Variants in PRDM16 observed in about 807,000 individuals in gnomAD.
PRDM16 encodes the protein histone-lysine N-methyltransferase PRDM16.
Under a neutral mutation model 110.6 loss-of-function variants are expected in PRDM16, and 23 were observed. The observed-to-expected ratio is 0.21, with a 90% CI of 0.15 to 0.29. The LOEUF is 0.29. Among genes scored for constraint, PRDM16 ranks in the 10% least tolerant of loss-of-function variants. The pLI is 1.00. For synonymous variants in PRDM16, 799 were observed against 781.8 expected (o/e 1.02, Z -0.37); for missense variants, 1,615 against 1,794.3 (o/e 0.90, Z 1.81).
chr1:3,337,304 G>T (rs757787929), intron 3 of PRDM16, among the ~76,000 whole-genome samples: 1 of 152,240 alleles, frequency 6.6e-6, no homozygotes, highest in Non-Finnish European at 1.5e-5. Flanking sequence ...GGAGACAGGA[G>T]AGAAAGGCCC....
rs565543661 is a variant in PRDM16, at chr1:3,435,942, G to A, written c.*2131G>A. On this transcript the variant is annotated 3_prime_UTR_variant, in exon 17 of 17. Transcript: ENST00000270722. ...GCTGGGGCCATGGGGTGGCCCCGCC[G>A]GGGCAGCGGGGGAGCTGCCTGCAGA... 4.3e-5 allele frequency: 10 copies of A among 230,404 alleles called. No individual in the cohort carries two copies. In the South Asian group the frequency reaches 9.1e-4, roughly 21 times the overall value. 14.3% of individuals were successfully genotyped at this position (230,404 alleles called of 1,614,324 possible).
intron 1 of PRDM16, among the ~76,000 whole-genome samples, chr1:3,153,221 A>G (rs1383944389): frequency 5.9e-5 from 9 of 152,206 alleles, no homozygotes. Flanking sequence ...CCGTGTCCTC[A>G]GGCAATAGCT....
intron 3 of PRDM16, among the ~76,000 whole-genome samples, chr1:3,291,889 G>A (rs1348048401): frequency 7.9e-5 from 12 of 152,214 alleles, no homozygotes; most frequent in Admixed American, 5.2e-4. Flanking sequence ...CCCACTGCTC[G>A]AGACCAACCT....
At chr1:3,085,852 G>T (rs1241929253) in intron 1 of PRDM16, among the ~76,000 whole-genome samples, 1 of 152,246 alleles carries the variant, frequency 6.6e-6, no homozygotes, top group Non-Finnish European at 1.5e-5. Flanking sequence ...GGGCACAGCT[G>T]TGGGAGCCCC....
chr1:3,080,143 C>T lies in PRDM16; in HGVS notation c.37+10847C>T, dbSNP rs766887063. Among the ~76,000 whole-genome samples, 8 of 152,236 alleles carry T rather than the reference C, an allele frequency of 5.3e-5. No homozygotes were observed. Among genetic ancestry groups the T allele is most frequent in the Admixed American group, 6.5e-5 (1 of 15,288 alleles). On this transcript the variant is annotated intron_variant, in intron 1 of 16. Coordinates refer to ENST00000270722, the MANE Select transcript of PRDM16 (RefSeq NM_022114.4). This position sits in a 1 kb window ranked among gnomAD's most constrained non-coding sequence, Gnocchi z 5.2. ...GGAAACGAGGCTGTTTAGATAATCC[C>T]GGGCCCTGGTGCTTGCATTTAGAAA...
intron 3 of PRDM16, among the ~76,000 whole-genome samples, chr1:3,251,095 C>CT (rs1242974982): frequency 6.6e-6 from 1 of 152,230 alleles, no homozygotes; most frequent in Non-Finnish European, 1.5e-5. Flanking sequence ...CACTCAGACG[C>CT]TGCCTTAACC....
intron 12 of PRDM16, among the ~76,000 whole-genome samples, chr1:3,423,250 TG>T (rs1336499534): frequency 4.6e-5 from 7 of 152,128 alleles, no homozygotes; most frequent in Admixed American, 4.6e-4. Context: ...CCAGGCAGCC[TG>T]GGGAGTTGGG....
At chr1:3,373,656 G>A (rs539965768) in intron 3 of PRDM16, among the ~76,000 whole-genome samples, 134 of 152,322 alleles carry the variant, frequency 8.8e-4, no homozygotes, top group African/African-American at 3.0e-3. Context: ...CGCGGGACCT[G>A]GAGCTTCTCT....
Position 3,359,848 on chromosome 1 carries a change from C to G in PRDM16, c.439-25304C>G, listed in dbSNP as rs995176110. Among the ~76,000 whole-genome samples, 1 of 142,196 alleles carries G rather than the reference C, an allele frequency of 7.0e-6. No homozygotes were observed. Among genetic ancestry groups the G allele is most frequent in the East Asian group, 1.9e-4 (1 of 5,172 alleles). The allele number at this position is 142,196 out of a possible 152,430, so 93.3% of individuals were successfully genotyped here. A position where few individuals can be genotyped will look rare whatever the true frequency, so the allele number is the denominator to read the frequency against. On this transcript the variant is annotated intron_variant, in intron 3 of 16. Coordinates refer to ENST00000270722, the MANE Select transcript of PRDM16 (RefSeq NM_022114.4). This position sits in a 1 kb window ranked among gnomAD's most constrained non-coding sequence, Gnocchi z 4.3. ...GTGATGTTTACTTAGAAGGTGGCACCCGACAAGGGCTTCCAATGTGTTCCA... is the reference window on the plus strand; with the variant it reads ...GTGATGTTTACTTAGAAGGTGGCACGCGACAAGGGCTTCCAATGTGTTCCA...
chr1:3,324,571 C>T (rs1108600), intron 3 of PRDM16, among the ~76,000 whole-genome samples: 27,948 of 152,082 alleles, frequency 0.18, 3,130 homozygotes, highest in South Asian at 0.28. Flanking sequence ...TGACAACATC[C>T]GAACAGCCGA....
rs189743381 is a variant in PRDM16 at position 3,185,423 on chromosome 1, C to T, written c.38-702C>T. On this transcript the variant is annotated intron_variant, in intron 1 of 16. Coordinates refer to ENST00000270722, the MANE Select transcript of PRDM16 (RefSeq NM_022114.4). The stretch of plus-strand genomic sequence containing the variant: ...CCAGCCTCCCCAAGACCCAGCCAGC[C>T]CTACCCCAGTGCATGTCCAGGCTGT... Among the ~76,000 whole-genome samples the T allele has an allele frequency of 1.1e-3, 164 of 152,310 alleles. 1 individual carries two copies. Among genetic ancestry groups the T allele is most frequent in the Non-Finnish European group, 1.3e-3 (91 of 68,040 alleles).
intron 5 of PRDM16, among the ~76,000 whole-genome samples, chr1:3,401,782 C>A (rs962056117): frequency 3.9e-5 from 6 of 152,236 alleles, no homozygotes; most frequent in Non-Finnish European, 5.9e-5. Flanking sequence ...TTCACACATG[C>A]AAAGTATGCA....
intron 1 of PRDM16, among the ~76,000 whole-genome samples, chr1:3,170,132 G>A (rs1204666200): frequency 1.3e-5 from 2 of 152,264 alleles, no homozygotes; most frequent in South Asian, 2.1e-4. Context: ...CGGACGGGCT[G>A]GGAAGGGTTA....
intron 2 of PRDM16, among the ~76,000 whole-genome samples, chr1:3,198,044 G>A (rs986955040): frequency 1.3e-5 from 2 of 152,220 alleles, no homozygotes; most frequent in African/African-American, 2.4e-5. Flanking sequence ...CAGAGATGAG[G>A]GTGACGCAAC....
chr1:3,406,177 C>T (rs1056106491), intron 8 of PRDM16, among the ~76,000 whole-genome samples: 4 of 152,120 alleles, frequency 2.6e-5, no homozygotes, highest in Admixed American at 6.5e-5. Flanking sequence ...TTAGGAGGCT[C>T]GCACACCAAT....
At chr1:3,210,855 A>G (rs2100844135) in intron 2 of PRDM16, among the ~76,000 whole-genome samples, 1 of 152,230 alleles carries the variant, frequency 6.6e-6, no homozygotes, top group East Asian at 1.9e-4. Context: ...CACTCATTAG[A>G]GATATATCTG....
At chr1:3,093,875 A>C (rs1477274579) in intron 1 of PRDM16, among the ~76,000 whole-genome samples, 1 of 152,066 alleles carries the variant, frequency 6.6e-6, no homozygotes, top group African/African-American at 2.4e-5. Flanking sequence ...AGGCCTGTGC[A>C]CCCCATCCCA....
intron 1 of PRDM16, among the ~76,000 whole-genome samples, chr1:3,099,800 A>G (rs1289191697): frequency 6.6e-6 from 1 of 152,208 alleles, no homozygotes; most frequent in East Asian, 1.9e-4. Context: ...CGTCCCTTAT[A>G]TGGGAGGAAA....
rs77575110 is a variant in PRDM16 at position 3,226,198 on chromosome 1, G to A, written c.388-17889G>A. Among the ~76,000 whole-genome samples the A allele has an allele frequency of 2.4e-3, 365 of 152,344 alleles. 5 individuals are homozygous for A. In the East Asian group the frequency reaches 0.028, roughly 12 times the overall value. Reference sequence around the variant, plus strand: ...AGAGCTAAGAGCTGCCAAGAAGCACGGGGTGGCTGCTCAGATTCATGAGGT... The same window carrying A: ...AGAGCTAAGAGCTGCCAAGAAGCACAGGGTGGCTGCTCAGATTCATGAGGT... On this transcript the variant is annotated intron_variant, in intron 2 of 16. Coordinates refer to ENST00000270722, the MANE Select transcript of PRDM16 (RefSeq NM_022114.4).
Sources: allele counts gnomAD v4.1 joint callset (sites outside exome capture counted in the v4.1 genomes callset), GRCh38; gene constraint gnomAD v4.1.1; non-coding constraint Gnocchi (gnomAD v3.1); transcripts MANE v1.5; gene names NCBI Gene and HGNC (gene_info 2026-07-23, HGNC 2026-07-21).